Variants in RALGAPA2 observed in about 807,000 individuals in gnomAD.
RALGAPA2 encodes the protein ral GTPase-activating protein subunit alpha-2.
Under a neutral mutation model 230.4 loss-of-function variants are expected in RALGAPA2, and 139 were observed. The observed-to-expected ratio is 0.60, with a 90% CI of 0.53 to 0.69. RALGAPA2 has a LOEUF of 0.69. Among genes scored for constraint, RALGAPA2 ranks in the 30% least tolerant of loss-of-function variants. RALGAPA2 has a pLI of 0.00. For synonymous variants in RALGAPA2, 847 were observed against 837.8 expected (o/e 1.01, Z -0.19); for missense variants, 2,163 against 2,276.0 (o/e 0.95, Z 1.01).
chr20:20,505,492 A>G lies in RALGAPA2; in HGVS notation c.4971T>C (p.Gly1657=). 1 of 1,605,460 alleles carries G rather than the reference A, an allele frequency of 6.2e-7. No homozygotes were observed. Among genetic ancestry groups the G allele is most frequent in the Non-Finnish European group, 8.5e-7 (1 of 1,175,246 alleles). ...AGAGGATTGAACACTTGTCTTCTTG[A>G]CCTTCAGCAATGTAAAACACTGCGA... ...HKIAVFYIAE[G]QEDKCSILSN... The change falls in exon 34 of 40, where the codon GGT becomes GGC. Residue 1657 remains glycine (G), a synonymous_variant. Coordinates refer to ENST00000202677, the MANE Select transcript of RALGAPA2 (RefSeq NM_020343.4).
rs576792974 is a variant in RALGAPA2, at chr20:20,712,603, T to TGCCGCC, written c.-129_-124dup. 2.1e-3 allele frequency: 2,426 copies of TGCCGCC among 1,179,286 alleles called. 13 individuals carry two copies. The highest frequency in any genetic ancestry group is 5.0e-3 in the South Asian group (130 of 26,252). 73.1% of individuals were successfully genotyped at this position (1,179,286 alleles called of 1,614,324 possible). A position where few individuals can be genotyped will look rare whatever the true frequency, so the allele number is the denominator to read the frequency against. ...CACTCGCCGCCCCCAGCCCCGCTGCTGCCGCCGCCGCCGCCGCCGCCGCCG... is the reference window on the plus strand; with the variant it reads ...CACTCGCCGCCCCCAGCCCCGCTGCTGCCGCCGCCGCCGCCGCCGCCGCCGCCGCCG... On this transcript the variant is annotated 5_prime_UTR_variant, in exon 1 of 40. Coordinates refer to ENST00000202677, the MANE Select transcript of RALGAPA2 (RefSeq NM_020343.4). The surrounding 1 kb of genome is among the most constrained non-coding windows in gnomAD (Gnocchi z 5.5).
intron 20 of RALGAPA2, among the ~76,000 whole-genome samples, chr20:20,581,879 T>A (rs2064994335): frequency 6.6e-6 from 1 of 152,204 alleles, no homozygotes; most frequent in African/African-American, 2.4e-5. Flanking sequence ...TGTTAATCAT[T>A]TTAAAATATT....
chr20:20,623,255 G>A (rs2066376903), intron 10 of RALGAPA2, among the ~76,000 whole-genome samples: 1 of 152,034 alleles, frequency 6.6e-6, no homozygotes, highest in Non-Finnish European at 1.5e-5. Context: ...TATGGACGGG[G>A]GAGGCTGAAA....
intron 38 of RALGAPA2, among the ~76,000 whole-genome samples, chr20:20,399,447 C>T (rs1308542790): frequency 6.6e-6 from 1 of 151,990 alleles, no homozygotes; most frequent in Non-Finnish European, 1.5e-5. Flanking sequence ...CGAAGCCAGC[C>T]CTACTCATAT....
intron 20 of RALGAPA2, among the ~76,000 whole-genome samples, chr20:20,575,511 C>T (rs866998942): frequency 2.0e-5 from 3 of 151,836 alleles, no homozygotes; most frequent in African/African-American, 7.3e-5. Context: ...TGCACTCAGA[C>T]GTGTTGGTGA....
At position 20,639,880 on chromosome 20, in the gene RALGAPA2, T is replaced by C. The variant is rs2066975157; in HGVS notation, c.571A>G (p.Ile191Val). Residue 191 changes from isoleucine (I) to valine (V), a missense_variant, in exon 7 of 40, where the codon ATC becomes GTC. Ile to Val is a conservative substitution (Grantham distance 29). Transcript: ENST00000202677. ...GATATGGCTGGTAGGAGTGGAGTGATTTCTTCTGGATATATCTTTACTGAA... is the reference window on the plus strand; with the variant it reads ...GATATGGCTGGTAGGAGTGGAGTGACTTCTTCTGGATATATCTTTACTGAA... ...VADVKIYPEE[I>V]TPLLPAISGE... 6.2e-7 allele frequency: 1 copy of C among 1,612,650 alleles called. No homozygotes were observed. Among genetic ancestry groups the C allele is most frequent in the East Asian group, 2.2e-5 (1 of 44,860 alleles).
intron 34 of RALGAPA2, chr20:20,505,018 C>T (rs2062490710): frequency 2.0e-6 from 2 of 985,020 alleles, no homozygotes; most frequent in South Asian, 9.4e-5. Context: ...CAACTTTTGA[C>T]TTCATCCAAC....
At chr20:20,692,300 A>T (rs1417638406) in intron 1 of RALGAPA2, among the ~76,000 whole-genome samples, 1 of 152,178 alleles carries the variant, frequency 6.6e-6, no homozygotes, top group African/African-American at 2.4e-5. Context: ...AATTTTCCAT[A>T]AATATATATT....
intron 3 of RALGAPA2, among the ~76,000 whole-genome samples, chr20:20,661,264 T>G (rs1354612350): frequency 6.6e-6 from 1 of 152,122 alleles, no homozygotes; most frequent in Non-Finnish European, 1.5e-5. Flanking sequence ...GCTCAAGTGA[T>G]TCTTGTGCCT....
chr20:20,656,021 T>C (rs1229012760), intron 3 of RALGAPA2, among the ~76,000 whole-genome samples: 1 of 152,198 alleles, frequency 6.6e-6, no homozygotes, highest in Non-Finnish European at 1.5e-5. Flanking sequence ...ACTGGAAATG[T>C]TCTTCTAGGC....
At chr20:20,692,009 T>C (rs2068930510) in intron 1 of RALGAPA2, among the ~76,000 whole-genome samples, 1 of 152,156 alleles carries the variant, frequency 6.6e-6, no homozygotes, top group Non-Finnish European at 1.5e-5. Flanking sequence ...TCCTCTCTCT[T>C]ATCATGTGAC....
intron 3 of RALGAPA2, among the ~76,000 whole-genome samples, chr20:20,672,572 C>T (rs1029341866): frequency 1.3e-5 from 2 of 151,988 alleles, no homozygotes; most frequent in Non-Finnish European, 2.9e-5. Context: ...TTGTTCCAAA[C>T]GAAGGGAGTT....
At chr20:20,478,493 C>G (rs1389952756) in intron 36 of RALGAPA2, among the ~76,000 whole-genome samples, 1 of 149,954 alleles carries the variant, frequency 6.7e-6, no homozygotes, top group East Asian at 1.9e-4. Flanking sequence ...TTTAAGGAAC[C>G]ATAAAGAAAA....
At chr20:20,572,049 T>C in intron 21 of RALGAPA2, 103 bp from the exon 22 acceptor site, 1 of 753,204 alleles carries the variant, frequency 1.3e-6, no homozygotes, top group South Asian at 1.7e-5. Context: ...AGTTAATTTC[T>C]ATAAGTGAAA....
chr20:20,468,087 C>T (rs574501140), intron 37 of RALGAPA2, among the ~76,000 whole-genome samples: 1 of 152,168 alleles, frequency 6.6e-6, no homozygotes, highest in South Asian at 2.1e-4. Flanking sequence ...CTTTTTGCAA[C>T]GTCCAACGTC....
At chr20:20,681,779 T>C (rs1368234231) in intron 1 of RALGAPA2, among the ~76,000 whole-genome samples, 5 of 152,156 alleles carry the variant, frequency 3.3e-5, no homozygotes, top group African/African-American at 4.8e-5. Context: ...TCGCCCGAAC[T>C]CAGGAGTTTC....
chr20:20,652,563 G>A (rs2067438067), intron 4 of RALGAPA2, among the ~76,000 whole-genome samples: 1 of 152,170 alleles, frequency 6.6e-6, no homozygotes, highest in South Asian at 2.1e-4. Flanking sequence ...TTGAATGAAT[G>A]AATGATCAAA....
chr20:20,467,020 A>G (rs2061433917), intron 37 of RALGAPA2, among the ~76,000 whole-genome samples: 1 of 152,168 alleles, frequency 6.6e-6, no homozygotes, highest in Admixed American at 6.5e-5. Context: ...ACCTTTATGA[A>G]AGTTACTGAA....
chr20:20,389,831 A>C lies in RALGAPA2; in HGVS notation c.*3458T>G, dbSNP rs1298408502. 3 of 152,268 alleles carry C rather than the reference A, an allele frequency of 2.0e-5. No individual in the cohort carries two copies. In the East Asian group the frequency reaches 5.8e-4, roughly 29 times the overall value. 9.4% of individuals were successfully genotyped at this position (152,268 alleles called of 1,614,324 possible). A position where few individuals can be genotyped will look rare whatever the true frequency, so the allele number is the denominator to read the frequency against. On this transcript the variant is annotated 3_prime_UTR_variant, in exon 40 of 40. Transcript: ENST00000202677. ...GGAACCTAGATGTGGAGCATTAGGA[A>C]AATTAAATAACAAGAGACAGCAAAA...
Sources: gnomAD v4.1 joint callset for allele counts (sites outside exome capture counted in the v4.1 genomes callset) on GRCh38, gnomAD v4.1.1 for gene constraint, Gnocchi (gnomAD v3.1) non-coding constraint, MANE v1.5 for transcripts, NCBI Gene and HGNC (gene_info 2026-07-23, HGNC 2026-07-21) for gene names.